The following TAFA5 variants were observed in gnomAD, a reference collection of about 807,000 sequenced individuals.
TAFA5 encodes the protein chemokine-like protein TAFA-5.
Under a neutral mutation model 15.3 loss-of-function variants are expected in TAFA5, and 6 were observed. The ratio of observed to expected loss-of-function variants is 0.39; its 90% CI spans 0.21 to 0.77. The LOEUF is 0.77. Ranked by LOEUF, TAFA5 falls within the 30% of genes least tolerant of loss-of-function variation. The pLI is 0.41. For missense variants in TAFA5, 161 were observed against 193.1 expected (o/e 0.83, Z 0.98); for synonymous variants, 103 against 80.7 (o/e 1.28, Z -1.48).
At chr22:48,575,461 C>T (rs1923738269) in intron 1 of TAFA5, among the ~76,000 whole-genome samples, 1 of 146,246 alleles carries the variant, frequency 6.8e-6, no homozygotes, top group Admixed American at 6.8e-5. Context: ...GACTGCGCCG[C>T]GCTCCCCCTC....
chr22:48,582,134 C>G lies in TAFA5; in HGVS notation c.113-64463C>G, dbSNP rs114775111. On this transcript the variant is annotated intron_variant, in intron 1 of 3. Transcript: ENST00000402357. ...TCCTCGTTCTCCTTTTACCTGGGCT[C>G]TGTGTGTGAGCCCACCTCTCCCAGA... Among the ~76,000 whole-genome samples, 601 of 152,152 alleles carry G rather than the reference C, an allele frequency of 4.0e-3. 3 individuals are homozygous for G. The highest frequency in any genetic ancestry group is 0.013 in the African/African-American group (542 of 41,456).
At chr22:48,504,115 G>A (rs2067139652) in intron 1 of TAFA5, among the ~76,000 whole-genome samples, 1 of 152,098 alleles carries the variant, frequency 6.6e-6, no homozygotes, top group Non-Finnish European at 1.5e-5. Context: ...AACAGAGTGA[G>A]ATTTGGCTCC....
chr22:48,723,330 A>G (rs532497164), intron 3 of TAFA5, among the ~76,000 whole-genome samples: 9 of 152,328 alleles, frequency 5.9e-5, no homozygotes, highest in Admixed American at 3.9e-4. Flanking sequence ...GTCTGCATCC[A>G]AATTACTTTA....
intron 2 of TAFA5, among the ~76,000 whole-genome samples, chr22:48,682,713 C>G (rs1928232270): frequency 6.6e-6 from 1 of 152,222 alleles, no homozygotes; most frequent in Non-Finnish European, 1.5e-5. Flanking sequence ...GCATATTACC[C>G]AGAAGCACAG....
At chr22:48,539,889 G>A (rs1412808409) in intron 1 of TAFA5, among the ~76,000 whole-genome samples, 4 of 151,170 alleles carry the variant, frequency 2.6e-5, no homozygotes, top group African/African-American at 7.4e-5. Context: ...AGTGCTGAAG[G>A]GGGCAGGGGT....
At chr22:48,687,421 G>A (rs1297587210) in intron 2 of TAFA5, among the ~76,000 whole-genome samples, 1 of 148,236 alleles carries the variant, frequency 6.7e-6, no homozygotes, top group Non-Finnish European at 1.5e-5. Flanking sequence ...TGGGTGGGTA[G>A]ATAGATGGAT....
rs1045228410 is a variant in TAFA5, at chr22:48,742,817, G to T, written c.391-7022G>T. Among the ~76,000 whole-genome samples, 6 of 152,312 alleles carry T rather than the reference G, an allele frequency of 3.9e-5. No homozygotes were observed. The East Asian group carries it at 1.2e-3, about 29-fold the overall frequency. ...GGCCTGGGGTGCTCAGCGGGGCTGA[G>T]TCCCCAGCTGGGAGCTCAGGTGCGA... On this transcript the variant is annotated intron_variant, in intron 3 of 3. Transcript: ENST00000402357. The surrounding 1 kb of genome is among the most constrained non-coding windows in gnomAD (Gnocchi z 6.2).
intron 2 of TAFA5, among the ~76,000 whole-genome samples, chr22:48,661,633 G>A (rs976841168): frequency 1.2e-4 from 18 of 152,226 alleles, no homozygotes; most frequent in Non-Finnish European, 1.0e-4. Context: ...AGGGGGCAGC[G>A]TATGGCAGTG....
intron 1 of TAFA5, among the ~76,000 whole-genome samples, chr22:48,565,892 T>TGATA (rs1367083163): frequency 4.6e-5 from 7 of 151,518 alleles, no homozygotes; most frequent in African/African-American, 1.2e-4. Context: ...GATGGATGGA[T>TGATA]GATAGATAGA....
intron 1 of TAFA5, among the ~76,000 whole-genome samples, chr22:48,637,991 C>G (rs911265758): frequency 6.6e-6 from 1 of 152,122 alleles, no homozygotes; most frequent in Non-Finnish European, 1.5e-5. Flanking sequence ...TCCTTCTAAA[C>G]TGACAAGACA....
At chr22:48,658,837 C>A (rs929814533) in intron 2 of TAFA5, among the ~76,000 whole-genome samples, 2 of 152,144 alleles carry the variant, frequency 1.3e-5, no homozygotes, top group African/African-American at 4.8e-5. Context: ...GGCTCCCAGG[C>A]AGTCATGGAA....
intron 1 of TAFA5, among the ~76,000 whole-genome samples, chr22:48,593,451 A>G (rs1159035700): frequency 6.8e-6 from 1 of 147,886 alleles, no homozygotes; most frequent in Admixed American, 6.7e-5. Flanking sequence ...CACCAGGTAG[A>G]GGTTCTGAGC....
At chr22:48,528,973 G>C (rs1190227856) in intron 1 of TAFA5, among the ~76,000 whole-genome samples, 1 of 152,206 alleles carries the variant, frequency 6.6e-6, no homozygotes, top group East Asian at 1.9e-4. Flanking sequence ...CCTGGGGAAA[G>C]GCTCAGGCAG....
chr22:48,497,466 A>C (rs1928372288), intron 1 of TAFA5, among the ~76,000 whole-genome samples: 1 of 148,340 alleles, frequency 6.7e-6, no homozygotes, highest in Non-Finnish European at 1.5e-5. Context: ...TCCAGTGGCC[A>C]GGGGTCATCA....
At chr22:48,692,397 A>G (rs1284075984) in intron 2 of TAFA5, among the ~76,000 whole-genome samples, 1 of 152,168 alleles carries the variant, frequency 6.6e-6, no homozygotes, top group Non-Finnish European at 1.5e-5. Context: ...ATTAGAGGCA[A>G]TTTTGTTTAC....
intron 1 of TAFA5, among the ~76,000 whole-genome samples, chr22:48,569,266 C>G (rs1021975526): frequency 6.6e-6 from 1 of 152,170 alleles, no homozygotes; most frequent in Non-Finnish European, 1.5e-5. Flanking sequence ...GACTAAAGCT[C>G]TAGAGGAGTG....
chr22:48,518,583 T>C (rs982170246), intron 1 of TAFA5, among the ~76,000 whole-genome samples: 1 of 152,086 alleles, frequency 6.6e-6, no homozygotes, highest in African/African-American at 2.4e-5. Context: ...CTCACGGCAT[T>C]ATTGTCACTG....
At chr22:48,541,877 G>T (rs1301374116) in intron 1 of TAFA5, among the ~76,000 whole-genome samples, 1 of 152,180 alleles carries the variant, frequency 6.6e-6, no homozygotes, top group Non-Finnish European at 1.5e-5. Flanking sequence ...GCCGGCTCTG[G>T]GCTCCCCCGG....
At chr22:48,660,227 G>T (rs528517555) in intron 2 of TAFA5, among the ~76,000 whole-genome samples, 1 of 152,176 alleles carries the variant, frequency 6.6e-6, no homozygotes, top group East Asian at 1.9e-4. Flanking sequence ...CCCAGTGCCT[G>T]GCAAGGAAGT....
Sources: allele counts gnomAD v4.1 joint callset (sites outside exome capture counted in the v4.1 genomes callset), GRCh38; gene constraint gnomAD v4.1.1; non-coding constraint Gnocchi (gnomAD v3.1); transcripts MANE v1.5; gene names NCBI Gene and HGNC (gene_info 2026-07-23, HGNC 2026-07-21).